Variants in PTPRQ observed in about 807,000 individuals in gnomAD.
PTPRQ encodes the protein protein tyrosine phosphatase receptor type Q.
PTPRQ carries 199 observed loss-of-function variants against 246.0 expected under a neutral mutation model. That is an observed-to-expected ratio of 0.81 (90% CI 0.72 to 0.91). PTPRQ has a LOEUF of 0.91. PTPRQ is among the 40% of genes least tolerant of loss of function. The probability of loss-of-function intolerance (pLI) is 0.00; values close to 1 mark genes in which losing one functional copy is unlikely to be tolerated. For synonymous variants in PTPRQ, 869 were observed against 853.2 expected, an observed-to-expected ratio of 1.02 and a Z score of -0.32; for missense variants, 2,624 against 2,528.4, an observed-to-expected ratio of 1.04 and a Z score of -0.81.
chr12:80,614,995 T>C (rs1285540933), intron 29 of PTPRQ, among the ~76,000 whole-genome samples: 2 of 150,972 alleles, frequency 1.3e-5, no homozygotes, highest in Middle Eastern at 3.2e-3. Context: ...TGTTAGGATG[T>C]ATAACTTTAG....
At chr12:80,595,394 T>C (rs1389372928) in intron 26 of PTPRQ, among the ~76,000 whole-genome samples, 4 of 152,118 alleles carry the variant, frequency 2.6e-5, no homozygotes, top group African/African-American at 9.7e-5. Context: ...TGTTACAGTG[T>C]CAAAATTCTC....
intron 3 of PTPRQ, among the ~76,000 whole-genome samples, chr12:80,454,726 A>C (rs1460733639): frequency 6.6e-6 from 1 of 152,208 alleles, no homozygotes; most frequent in African/African-American, 2.4e-5. Context: ...TGAGACGATC[A>C]TATGGCTAAC....
chr12:80,674,530 T>G (rs1195954798), intron 43 of PTPRQ, among the ~76,000 whole-genome samples: 1 of 152,154 alleles, frequency 6.6e-6, no homozygotes, highest in Non-Finnish European at 1.5e-5. Context: ...ACCAGAGATA[T>G]CCAAACTTTT....
intron 8 of PTPRQ, among the ~76,000 whole-genome samples, chr12:80,477,744 C>A (rs572852607): frequency 6.6e-6 from 1 of 152,272 alleles, no homozygotes; most frequent in Admixed American, 6.5e-5. Flanking sequence ...AGTTCCCTTT[C>A]CCCTTGTCAA....
At chr12:80,621,625 AACAAG>A (rs1366244049) in intron 32 of PTPRQ, among the ~76,000 whole-genome samples, 3 of 152,070 alleles carry the variant, frequency 2.0e-5, no homozygotes, top group Non-Finnish European at 2.9e-5. Flanking sequence ...TTTATATGTG[AACAAG>A]ACAAGTTCTA....
Position 80,496,239 on chromosome 12 carries a change from T to A in PTPRQ, c.1991-11T>A. 6.5e-7 allele frequency: 1 copy of A among 1,548,182 alleles called. No individual in the cohort carries two copies. The highest frequency in any genetic ancestry group is 8.7e-7 in the Non-Finnish European group (1 of 1,145,970). Reference sequence around the variant, plus strand: ...AATATAGGTACTACAAATGTTCTTTTCTTCCCCTAGAACCGGAATCATCAC... The same window carrying A: ...AATATAGGTACTACAAATGTTCTTTACTTCCCCTAGAACCGGAATCATCAC... On this transcript the variant is annotated splice_polypyrimidine_tract_variant and intron_variant, in intron 13 of 44. Transcript: ENST00000644991.
At chr12:80,522,566 A>G (rs534421379) in intron 17 of PTPRQ, among the ~76,000 whole-genome samples, 3 of 152,164 alleles carry the variant, frequency 2.0e-5, no homozygotes, top group East Asian at 3.9e-4. Flanking sequence ...AGAGTTTTTA[A>G]CGTGAAGGGC....
intron 27 of PTPRQ, 59 bp from the exon 28 acceptor site, chr12:80,610,380 T>C (rs1052576263): frequency 3.6e-6 from 5 of 1,387,080 alleles, no homozygotes; most frequent in Non-Finnish European, 3.8e-6. Flanking sequence ...TATTATTATG[T>C]TTTGGTGACT....
intron 3 of PTPRQ, among the ~76,000 whole-genome samples, chr12:80,454,714 G>T (rs1892913599): frequency 6.6e-6 from 1 of 151,892 alleles, no homozygotes; most frequent in South Asian, 2.1e-4. Flanking sequence ...TCCTGCATCT[G>T]TTGAGACGAT....
Position 80,673,276 on chromosome 12 carries a change from G to A in PTPRQ, c.6710G>A (p.Ser2237Asn), listed in dbSNP as rs1285482129. ...TATGGACTAGTAGCTGAACTGAGAA[G>A]TGAAAGAATGTGCATGGTGCAGAAT... ...DIYGLVAELR[S>N]ERMCMVQNLA... The change falls in exon 43 of 45, where the codon AGT becomes AAT. Residue 2237 changes from serine (S) to asparagine (N), a missense_variant. Transcript: ENST00000644991. 5.8e-6 allele frequency: 9 copies of A among 1,550,304 alleles called. No homozygotes were observed. Among genetic ancestry groups the A allele is most frequent in the Non-Finnish European group, 7.9e-6 (9 of 1,146,132 alleles).
intron 30 of PTPRQ, 94 bp downstream of exon 30, chr12:80,616,360 A>C (rs2121118850): frequency 8.1e-7 from 1 of 1,229,608 alleles, no homozygotes; most frequent in Admixed American, 3.7e-5. Flanking sequence ...CAAGCCTTTA[A>C]GTGATAAATA....
intron 16 of PTPRQ, among the ~76,000 whole-genome samples, chr12:80,509,076 A>G (rs1404664889): frequency 6.6e-6 from 1 of 152,086 alleles, no homozygotes; most frequent in Non-Finnish European, 1.5e-5. Flanking sequence ...CTTGGGAAAC[A>G]GACATCTCTA....
chr12:80,453,402 C>T (rs1313829714), intron 3 of PTPRQ, among the ~76,000 whole-genome samples: 4 of 151,932 alleles, frequency 2.6e-5, no homozygotes, highest in Non-Finnish European at 2.9e-5. Context: ...TGTTCTGTTG[C>T]TGGTGAGGAA....
At chr12:80,522,726 G>T (rs1895542309) in intron 17 of PTPRQ, among the ~76,000 whole-genome samples, 1 of 152,180 alleles carries the variant, frequency 6.6e-6, no homozygotes, top group African/African-American at 2.4e-5. Context: ...CTTGATCATG[G>T]TGGATAAGCT....
At chr12:80,567,198 T>C (rs920306585) in intron 25 of PTPRQ, among the ~76,000 whole-genome samples, 3 of 152,196 alleles carry the variant, frequency 2.0e-5, no homozygotes, top group African/African-American at 7.2e-5. Flanking sequence ...GTAAAGCCCA[T>C]GATTGTTTTT....
chr12:80,598,014 T>G (rs1479818782), intron 26 of PTPRQ, among the ~76,000 whole-genome samples: 2 of 152,024 alleles, frequency 1.3e-5, no homozygotes, highest in African/African-American at 4.8e-5. Context: ...GAGGTTTTCT[T>G]TCTATTTTGT....
At chr12:80,455,772 AT>A (rs59826411) in intron 3 of PTPRQ, among the ~76,000 whole-genome samples, 2 of 149,768 alleles carry the variant, frequency 1.3e-5, no homozygotes, top group Admixed American at 6.6e-5. Context: ...TTCGTATTTT[AT>A]TTTTTTTTAG....
rs1894686554 is a variant in PTPRQ, at chr12:80,498,171, A to C, written c.2272+1640A>C. ...TTTTGTAGATATTGTACCTGAAATAAGTATTTTTGAGAAAAATGTCTGCTC... is the reference window on the plus strand; with the variant it reads ...TTTTGTAGATATTGTACCTGAAATACGTATTTTTGAGAAAAATGTCTGCTC... On this transcript the variant is annotated intron_variant, in intron 14 of 44. Coordinates refer to ENST00000644991, the MANE Select transcript of PTPRQ (RefSeq NM_001145026.2). Among the ~76,000 whole-genome samples, 3 of 152,062 alleles carry C rather than the reference A, an allele frequency of 2.0e-5. No homozygotes were observed. The South Asian group carries it at 6.2e-4, about 31-fold the overall frequency.
chr12:80,512,130 T>C (rs905055754), intron 17 of PTPRQ, among the ~76,000 whole-genome samples: 1 of 152,234 alleles, frequency 6.6e-6, no homozygotes, highest in African/African-American at 2.4e-5. Flanking sequence ...AGATGACTTC[T>C]AGATTTTTGA....
Sources: allele counts gnomAD v4.1 joint callset (sites outside exome capture counted in the v4.1 genomes callset), GRCh38; gene constraint gnomAD v4.1.1; transcripts MANE v1.5; gene names NCBI Gene and HGNC (gene_info 2026-07-23, HGNC 2026-07-21).